FUT9: variants seen among roughly 807,000 people sequenced by gnomAD.
FUT9 encodes the protein 4-galactosyl-N-acetylglucosaminide 3-alpha-L-fucosyltransferase 9.
FUT9 carries 15 observed loss-of-function variants against 29.7 expected under a neutral mutation model. The observed-to-expected ratio is 0.51, with a 90% CI of 0.34 to 0.78. FUT9 has a LOEUF of 0.78. Among genes scored for constraint, FUT9 ranks in the 30% least tolerant of loss-of-function variants. FUT9 has a pLI of 0.01. For synonymous variants in FUT9, 169 were observed against 153.7 expected (o/e 1.10, Z -0.74); for missense variants, 319 against 425.4 (o/e 0.75, Z 2.20).
Position 96,166,072 on chromosome 6 carries a change from T to C in FUT9, c.-8-37076T>C, listed in dbSNP as rs187906638. On this transcript the variant is annotated intron_variant, in intron 2 of 2. Transcript: ENST00000302103. ...CAGGAATTATTTAATTTCAAAAGCA[T>C]ATAATCTAAAATAAAAGTAAAAATT... Among the ~76,000 whole-genome samples the C allele has an allele frequency of 1.3e-4, 19 of 151,952 alleles. No individual in the cohort carries two copies. In the East Asian group the frequency reaches 3.7e-3, roughly 29 times the overall value.
intron 2 of FUT9, among the ~76,000 whole-genome samples, chr6:96,134,355 A>G (rs898436984): frequency 6.6e-6 from 1 of 151,846 alleles, no homozygotes; most frequent in Admixed American, 6.6e-5. Context: ...GTCAACACAT[A>G]TAAGTCAATA....
rs1224341595 is a variant in FUT9, at chr6:96,212,328, G to C, written c.*8093G>C. 2.4e-6 allele frequency: 1 copy of C among 412,590 alleles called. No homozygotes were observed. The highest frequency in any genetic ancestry group is 4.4e-6 in the Non-Finnish European group (1 of 225,576). 25.6% of individuals were successfully genotyped at this position (412,590 alleles called of 1,614,324 possible). A position where few individuals can be genotyped will look rare whatever the true frequency, so the allele number is the denominator to read the frequency against. On this transcript the variant is annotated 3_prime_UTR_variant, in exon 3 of 3. Coordinates refer to ENST00000302103, the MANE Select transcript of FUT9 (RefSeq NM_006581.4). Reference sequence around the variant, plus strand: ...GATGGAATACATGTCTCCAGGGACTGTAATGAGATCAGGCTTTTCATTTAC... The same window carrying C: ...GATGGAATACATGTCTCCAGGGACTCTAATGAGATCAGGCTTTTCATTTAC...
chr6:96,061,705 G>A (rs1770877522), intron 1 of FUT9, among the ~76,000 whole-genome samples: 1 of 152,104 alleles, frequency 6.6e-6, no homozygotes, highest in African/African-American at 2.4e-5. Context: ...TGTAAGTCCT[G>A]TTCTTCATTC....
chr6:96,128,836 A>C (rs529353124), intron 2 of FUT9, among the ~76,000 whole-genome samples: 4 of 152,154 alleles, frequency 2.6e-5, no homozygotes, highest in African/African-American at 9.6e-5. Flanking sequence ...AAAATATCAA[A>C]CTAAAGGGCC....
rs536499800 is a variant in FUT9 at position 96,204,744 on chromosome 6, AT to A, written c.*517del. On this transcript the variant is annotated 3_prime_UTR_variant, in exon 3 of 3. Coordinates refer to ENST00000302103, the MANE Select transcript of FUT9 (RefSeq NM_006581.4). ...GTGTATAACTGTCTCTATTTGATCT[AT>A]TTTTTTTACCTGTTTATCACATTTG... is the stretch of plus-strand genomic sequence containing the variant. The A allele has an allele frequency of 1.5e-4, 25 of 166,636 alleles. 1 individual carries two copies. The highest frequency in any genetic ancestry group is 5.3e-4 in the African/African-American group (22 of 41,436). 10.3% of individuals were successfully genotyped at this position (166,636 alleles called of 1,614,324 possible). A position where few individuals can be genotyped will look rare whatever the true frequency, so the allele number is the denominator to read the frequency against.
chr6:96,112,705 C>T (rs369571496), intron 1 of FUT9, among the ~76,000 whole-genome samples: 4 of 152,250 alleles, frequency 2.6e-5, no homozygotes, highest in South Asian at 4.1e-4. Context: ...GAACAAGATG[C>T]TTAACAAGTA....
chr6:96,093,237 C>T (rs1004091403), intron 1 of FUT9, among the ~76,000 whole-genome samples: 1 of 152,144 alleles, frequency 6.6e-6, no homozygotes, highest in African/African-American at 2.4e-5. Context: ...GTTCTTGACA[C>T]ATTAAAGGTG....
intron 2 of FUT9, among the ~76,000 whole-genome samples, chr6:96,195,780 AGAT>A (rs1271606358): frequency 6.6e-6 from 1 of 152,190 alleles, no homozygotes; most frequent in African/African-American, 2.4e-5. Context: ...AAAACTAAAA[AGAT>A]AAGCCACCCA....
intron 1 of FUT9, among the ~76,000 whole-genome samples, chr6:96,079,110 G>A (rs1431651489): frequency 6.6e-6 from 1 of 152,030 alleles, no homozygotes; most frequent in African/African-American, 2.4e-5. Context: ...ATGTTCAGAG[G>A]CACCATGTTT....
chr6:96,117,722 A>T (rs188642253), intron 2 of FUT9, among the ~76,000 whole-genome samples: 1 of 152,212 alleles, frequency 6.6e-6, no homozygotes, highest in Non-Finnish European at 1.5e-5. Flanking sequence ...CTTGTACCAC[A>T]TCAAGAAGTC....
chr6:96,071,938 T>C (rs1490780250), intron 1 of FUT9, among the ~76,000 whole-genome samples: 1 of 152,160 alleles, frequency 6.6e-6, no homozygotes, highest in Non-Finnish European at 1.5e-5. Flanking sequence ...CCCAGCCCAA[T>C]AATAGTTAAT....
At chr6:96,085,613 G>A (rs964289904) in intron 1 of FUT9, among the ~76,000 whole-genome samples, 1 of 131,976 alleles carries the variant, frequency 7.6e-6, no homozygotes, top group African/African-American at 3.0e-5. Context: ...AACAAGCCAG[G>A]TTTGTCAAAC....
chr6:96,022,448 A>T (rs1770086150), intron 1 of FUT9, among the ~76,000 whole-genome samples: 1 of 152,058 alleles, frequency 6.6e-6, no homozygotes. Flanking sequence ...AGGTGTTGAC[A>T]GGTATTGCAT....
chr6:96,145,448 A>G (rs1359534621), intron 2 of FUT9, among the ~76,000 whole-genome samples: 2 of 152,230 alleles, frequency 1.3e-5, no homozygotes, highest in East Asian at 3.8e-4. Flanking sequence ...ACAGCAGAGA[A>G]TGAAGGAGAC....
At chr6:96,106,527 A>G (rs1402611581) in intron 1 of FUT9, among the ~76,000 whole-genome samples, 1 of 152,132 alleles carries the variant, frequency 6.6e-6, no homozygotes, top group African/African-American at 2.4e-5. Context: ...TGTGACTGTT[A>G]TACAATCTTT....
chr6:96,188,327 C>T (rs976378686), intron 2 of FUT9, among the ~76,000 whole-genome samples: 1 of 151,868 alleles, frequency 6.6e-6, no homozygotes, highest in African/African-American at 2.4e-5. Flanking sequence ...AGTGCAGTGG[C>T]ACAATCGTAG....
intron 2 of FUT9, among the ~76,000 whole-genome samples, chr6:96,128,436 G>T (rs1236156890): frequency 6.6e-6 from 1 of 152,092 alleles, no homozygotes; most frequent in Admixed American, 6.5e-5. Flanking sequence ...GGTCTAATGG[G>T]ACACTTTTTC....
chr6:96,073,401 A>T (rs1160828134), intron 1 of FUT9, among the ~76,000 whole-genome samples: 1 of 150,502 alleles, frequency 6.6e-6, no homozygotes, highest in Admixed American at 6.7e-5. Flanking sequence ...GTGAGCTGAG[A>T]TTATGCCACT....
chr6:96,045,245 G>A (rs1178475662), intron 1 of FUT9, among the ~76,000 whole-genome samples: 5 of 152,324 alleles, frequency 3.3e-5, no homozygotes, highest in African/African-American at 1.2e-4. Context: ...CAGAGCAGGA[G>A]CTAAAGAACC....
Sources: gnomAD v4.1 joint callset for allele counts (sites outside exome capture counted in the v4.1 genomes callset) on GRCh38, gnomAD v4.1.1 for gene constraint, MANE v1.5 for transcripts, NCBI Gene and HGNC (gene_info 2026-07-23, HGNC 2026-07-21) for gene names.